The following FHIT variants were observed in gnomAD, a reference collection of about 807,000 sequenced individuals.
The protein encoded by FHIT is bis(5'-adenosyl)-triphosphatase.
A neutral mutation model predicts 17.9 loss-of-function variants in FHIT; 19 were observed. The ratio of observed to expected loss-of-function variants is 1.06; its 90% CI spans 0.74 to 1.56. The LOEUF (loss-of-function observed/expected upper bound fraction) is 1.56. Among genes scored for constraint, FHIT ranks in the 40% most tolerant of loss-of-function variants. The pLI is 0.00. For missense variants in FHIT, 248 were observed against 189.2 expected (o/e 1.31, Z -1.82); for synonymous variants, 81 against 69.7 (o/e 1.16, Z -0.81).
At chr3:60,956,807 G>T (rs1553779051) in intron 3 of FHIT, among the ~76,000 whole-genome samples, 1 of 152,182 alleles carries the variant, frequency 6.6e-6, no homozygotes, top group Admixed American at 6.5e-5. Context: ...TAGAAATCCA[G>T]ATTTTCATTG....
intron 5 of FHIT, among the ~76,000 whole-genome samples, chr3:60,081,785 G>A (rs143995116): frequency 6.6e-6 from 1 of 152,194 alleles, no homozygotes; most frequent in East Asian, 1.9e-4. Flanking sequence ...TAATCAGAGA[G>A]AGTGCCAGGA....
At chr3:60,633,695 T>C (rs1553683020) in intron 4 of FHIT, among the ~76,000 whole-genome samples, 1 of 152,178 alleles carries the variant, frequency 6.6e-6, no homozygotes, top group Non-Finnish European at 1.5e-5. Context: ...TGTTAGGAAA[T>C]GCTAGCTGAC....
intron 7 of FHIT, among the ~76,000 whole-genome samples, chr3:59,983,948 A>C (rs1462344778): frequency 9.5e-6 from 1 of 104,930 alleles, no homozygotes; most frequent in African/African-American, 2.7e-5. Context: ...TACGTACTGA[A>C]GTGATAGGGC....
intron 2 of FHIT, among the ~76,000 whole-genome samples, chr3:61,189,590 G>A (rs895308826): frequency 3.3e-5 from 5 of 151,722 alleles, no homozygotes; most frequent in African/African-American, 7.3e-5. Context: ...CTACTTTAAA[G>A]TTCATATGGA....
intron 2 of FHIT, among the ~76,000 whole-genome samples, chr3:61,124,928 C>G (rs1576060157): frequency 1.3e-5 from 2 of 152,224 alleles, no homozygotes; most frequent in East Asian, 3.9e-4. Flanking sequence ...TATTTTATAG[C>G]CTCCATGCTG....
At chr3:61,052,741 C>T (rs1029423035) in intron 2 of FHIT, among the ~76,000 whole-genome samples, 1 of 152,138 alleles carries the variant, frequency 6.6e-6, no homozygotes, top group Non-Finnish European at 1.5e-5. Flanking sequence ...TAGTGCTGCA[C>T]TACACTTTAT....
chr3:60,703,006 T>C (rs2041284761), intron 4 of FHIT, among the ~76,000 whole-genome samples: 1 of 152,208 alleles, frequency 6.6e-6, no homozygotes, highest in East Asian at 1.9e-4. Flanking sequence ...GAATCTCAAG[T>C]GACTTTATTT....
At chr3:60,497,234 GGTTGAGAAA>G (rs2034337773) in intron 5 of FHIT, among the ~76,000 whole-genome samples, 1 of 151,942 alleles carries the variant, frequency 6.6e-6, no homozygotes, top group African/African-American at 2.4e-5. Context: ...ATGGTTACAA[GGTTGAGAAA>G]GGCAGCCCTA....
At chr3:61,098,850 G>C (rs1297697481) in intron 2 of FHIT, among the ~76,000 whole-genome samples, 2 of 152,184 alleles carry the variant, frequency 1.3e-5, no homozygotes, top group African/African-American at 4.8e-5. Context: ...AAGCTTTTAG[G>C]CTGAGACGAT....
At chr3:60,722,168 C>T (rs1553708221) in intron 4 of FHIT, among the ~76,000 whole-genome samples, 1 of 152,158 alleles carries the variant, frequency 6.6e-6, no homozygotes, top group East Asian at 1.9e-4. Context: ...GCACATTCCT[C>T]CAGAGTCAAT....
intron 2 of FHIT, among the ~76,000 whole-genome samples, chr3:61,164,876 T>C (rs912931497): frequency 6.6e-6 from 1 of 152,196 alleles, no homozygotes; most frequent in Admixed American, 6.6e-5. Flanking sequence ...TAGCTCCCAC[T>C]TACAAGTAAG....
intron 7 of FHIT, among the ~76,000 whole-genome samples, chr3:59,974,037 T>C (rs1218215486): frequency 3.3e-5 from 5 of 151,392 alleles, no homozygotes; most frequent in Non-Finnish European, 7.4e-5. Flanking sequence ...AAGAATATGG[T>C]TCTCTTGGGC....
rs549911856 is a variant in FHIT at position 59,779,270 on chromosome 3, C to T, written c.349-26949G>A. ...TTTTGGAAACCACTGTGATCAGAAA[C>T]GTATATATTGTTAAGGGAAGAGAGA... On this transcript the variant is annotated intron_variant, in intron 8 of 9. Coordinates refer to ENST00000492590, the MANE Select transcript of FHIT (RefSeq NM_002012.4). Among the ~76,000 whole-genome samples the T allele has an allele frequency of 5.1e-4, 77 of 152,192 alleles. 1 individual carries two copies. The highest frequency in any genetic ancestry group is 9.6e-4 in the African/African-American group (40 of 41,530).
chr3:60,645,768 T>C (rs926882856), intron 4 of FHIT, among the ~76,000 whole-genome samples: 1 of 152,166 alleles, frequency 6.6e-6, no homozygotes, highest in African/African-American at 2.4e-5. Flanking sequence ...ATACGGTTTC[T>C]ATAACAACTT....
chr3:60,297,458 T>C (rs958267343), intron 5 of FHIT, among the ~76,000 whole-genome samples: 1 of 152,092 alleles, frequency 6.6e-6, no homozygotes, highest in African/African-American at 2.4e-5. Context: ...TAAACATAGT[T>C]GGTTTCTATA....
At chr3:61,008,826 T>A (rs1208802099) in intron 3 of FHIT, among the ~76,000 whole-genome samples, 1 of 152,204 alleles carries the variant, frequency 6.6e-6, no homozygotes, top group Non-Finnish European at 1.5e-5. Context: ...TGCATTCTGA[T>A]ATCATGTGAA....
intron 7 of FHIT, among the ~76,000 whole-genome samples, chr3:60,007,406 A>G (rs529571405): frequency 1.4e-4 from 21 of 152,186 alleles, no homozygotes; most frequent in Middle Eastern, 3.2e-3. Context: ...TGGAATACAC[A>G]TACATATCGT....
intron 5 of FHIT, among the ~76,000 whole-genome samples, chr3:60,190,987 G>T (rs1384476031): frequency 6.6e-6 from 1 of 151,918 alleles, no homozygotes; most frequent in East Asian, 1.9e-4. Context: ...TTTTTCCTGT[G>T]ACTGGGAGGC....
At chr3:60,153,015 G>A (rs914279925) in intron 5 of FHIT, among the ~76,000 whole-genome samples, 4 of 152,114 alleles carry the variant, frequency 2.6e-5, no homozygotes, top group Non-Finnish European at 5.9e-5. Flanking sequence ...TTAACCAAGA[G>A]TCAACTCAAG....
Sources: allele counts gnomAD v4.1 joint callset (sites outside exome capture counted in the v4.1 genomes callset), GRCh38; gene constraint gnomAD v4.1.1; transcripts MANE v1.5; gene names NCBI Gene and HGNC (gene_info 2026-07-23, HGNC 2026-07-21).